ATG16L2: variants seen among roughly 807,000 people sequenced by gnomAD.
The protein encoded by ATG16L2 is autophagy related 16 like 2.
A neutral mutation model predicts 84.7 loss-of-function variants in ATG16L2; 77 were observed. That is an observed-to-expected ratio of 0.91 (90% confidence interval 0.76 to 1.10). The LOEUF (loss-of-function observed/expected upper bound fraction) is 1.10, where lower values mean the gene tolerates loss of function less well. Among genes scored for constraint, ATG16L2 ranks in the 50% least tolerant of loss-of-function variants. The probability of loss-of-function intolerance (pLI) is 0.00; values close to 1 mark genes in which losing one functional copy is unlikely to be tolerated. For synonymous variants in ATG16L2, 361 were observed against 342.8 expected (o/e 1.05, Z -0.59); for missense variants, 782 against 817.6 (o/e 0.96, Z 0.53).
chr11:72,814,693 A>G, intron 1 of ATG16L2, 130 bp downstream of exon 1: 2 of 657,444 alleles, frequency 3.0e-6, no homozygotes. Flanking sequence ...CCTGTGCGTT[A>G]CGCCCATCCC....
At chr11:72,829,029 C>T (rs775750821) in intron 17 of ATG16L2, 45 bp downstream of exon 17, 3 of 1,583,008 alleles carry the variant, frequency 1.9e-6, no homozygotes, top group South Asian at 1.1e-5. Flanking sequence ...CCCAGTCCTG[C>T]CAGGCTGATT....
chr11:72,829,738 C>G, downstream of ATG16L2: 1 of 692,108 alleles, frequency 1.4e-6, no homozygotes, highest in African/African-American at 1.9e-5. Context: ...CCATACAGAG[C>G]TGAGGCAGCC....
At chr11:72,843,203 G>C in exon 6 of ATG16L2, 1 of 1,614,022 alleles carries the variant, frequency 6.2e-7, no homozygotes, top group Non-Finnish European at 8.5e-7. Context: ...CCGTGGAATT[G>C]CTGGACGTGT....
chr11:72,830,608 T>A (rs896231225), downstream of ATG16L2, among the ~76,000 whole-genome samples: 12 of 152,176 alleles, frequency 7.9e-5, no homozygotes, highest in African/African-American at 2.4e-4. Flanking sequence ...GGGCTGGGAT[T>A]ACAGGTGCAC....
chr11:72,823,789 CTT>C (rs762812468), intron 7 of ATG16L2: 19 of 571,868 alleles, frequency 3.3e-5, no homozygotes, highest in African/African-American at 2.8e-4. Flanking sequence ...TTCCCAGGAA[CTT>C]TTGTTGGTGG....
chr11:72,820,799 G>T (rs1448977813), intron 3 of ATG16L2, among the ~76,000 whole-genome samples: 1 of 152,086 alleles, frequency 6.6e-6, no homozygotes, highest in Non-Finnish European at 1.5e-5. Context: ...GGTGGGAGCT[G>T]CCTTGCCTGG....
chr11:72,840,546 C>T (rs1462240494), intron 5 of ATG16L2, among the ~76,000 whole-genome samples: 1 of 152,146 alleles, frequency 6.6e-6, no homozygotes, highest in Non-Finnish European at 1.5e-5. Context: ...AAATAGAGGC[C>T]TGGAAAATTA....
At chr11:72,827,382 A>G (rs944926064) in intron 14 of ATG16L2, 89 bp downstream of exon 14, 1 of 1,139,734 alleles carries the variant, frequency 8.8e-7, no homozygotes, top group Non-Finnish European at 1.3e-6. Flanking sequence ...TGGCAGGAGG[A>G]GTCTTGGTGG....
intron 9 of ATG16L2, 62 bp from the exon 10 acceptor site, chr11:72,825,240 G>A (rs1860277731): frequency 1.5e-5 from 20 of 1,333,896 alleles, no homozygotes; most frequent in African/African-American, 2.9e-5. Flanking sequence ...AAGAGGGCCC[G>A]TGAGCACTCA....
chr11:72,827,375 CAGG>C (rs1050370744), intron 14 of ATG16L2, 82 bp downstream of exon 14: 85 of 1,201,352 alleles, frequency 7.1e-5, no homozygotes, highest in Non-Finnish European at 9.3e-5. Context: ...CTGGCCATGG[CAGG>C]AGGAGTCTTG....
chr11:72,823,977 C>G (rs1213541077), intron 7 of ATG16L2, 83 bp from the exon 8 acceptor site: 2 of 1,510,552 alleles, frequency 1.3e-6, no homozygotes, highest in Non-Finnish European at 1.8e-6. Context: ...CTCCAGGTCT[C>G]TGGCAAAGTG....
intron 10 of ATG16L2, 95 bp from the exon 11 acceptor site, chr11:72,826,078 T>A: frequency 1.0e-6 from 1 of 989,598 alleles, no homozygotes; most frequent in Non-Finnish European, 1.5e-6. Context: ...TGTCGGGGGG[T>A]GGGGCGGGAA....
rs920799706 is a variant in ATG16L2, at chr11:72,827,292, A to T, written c.1471A>T (p.Arg491Trp). 6 of 1,612,626 alleles carry T rather than the reference A, an allele frequency of 3.7e-6. No individual in the cohort carries two copies. The Middle Eastern group carries it at 4.9e-4, about 133-fold the overall frequency. ...CCAGAAGATCCGGTTCTGGGACAGC[A>T]GGTGACAGGCGCAGGCTGGGGGAGG... ...NDQKIRFWDS[R>W]GPHCTQVIPV... The change falls in exon 14 of 18, where the codon AGG (arginine) becomes TGG (tryptophan). Residue 491 changes from arginine (R) to tryptophan (W), a missense_variant and splice_region_variant. Transcript: ENST00000321297.
intron 7 of ATG16L2, 152 bp downstream of exon 7, chr11:72,823,113 C>A (rs1162703865): frequency 3.3e-6 from 2 of 597,422 alleles, no homozygotes; most frequent in East Asian, 5.8e-5. Context: ...GCTAGTCTGA[C>A]CTCCATTGTC....
rs2135099335 is a variant in ATG16L2 at position 72,822,715 on chromosome 11, C to T, written c.711-133C>T. On this transcript the variant is annotated intron_variant, in intron 6 of 17. Coordinates refer to ENST00000321297, the MANE Select transcript of ATG16L2 (RefSeq NM_033388.2). This position sits in a 1 kb window ranked among gnomAD's most constrained non-coding sequence, Gnocchi z 4.2. The stretch of plus-strand genomic sequence containing the variant: ...CCGTGTGGTCGTAGGAGCCTGCATG[C>T]GTGACCGCTGCACGTGTACACCCAC... 2.9e-6 allele frequency: 3 copies of T among 1,028,452 alleles called. No individual in the cohort carries two copies. Among genetic ancestry groups the T allele is most frequent in the South Asian group, 3.1e-5 (2 of 63,648 alleles). 63.7% of individuals were successfully genotyped at this position (1,028,452 alleles called of 1,614,324 possible). A position where few individuals can be genotyped will look rare whatever the true frequency, so the allele number is the denominator to read the frequency against.
chr11:72,840,237 C>G (rs1240599644), intron 5 of ATG16L2, among the ~76,000 whole-genome samples: 1 of 152,202 alleles, frequency 6.6e-6, no homozygotes, highest in African/African-American at 2.4e-5. Context: ...GATAAAGACT[C>G]AAGTCCTTAA....
chr11:72,832,086 G>A (rs1262342505), downstream of ATG16L2, among the ~76,000 whole-genome samples: 1 of 152,208 alleles, frequency 6.6e-6, no homozygotes, highest in Non-Finnish European at 1.5e-5. Context: ...CTTGAAGTGA[G>A]GGACATGCAG....
rs748017056 is a variant in ATG16L2 at position 72,842,763 on chromosome 11, C to T, written c.*168C>T. ...ATCTTGGTTTTCTTTGTTCAAGATA[C>T]GGATTATTGCTCCCTCAGGAAAAGA... is the stretch of plus-strand genomic sequence containing the variant. On this transcript the variant is annotated 3_prime_UTR_variant, in exon 6 of 6. Coordinates refer to the ATG16L2 transcript ENST00000534905. 36 of 1,613,906 alleles carry T rather than the reference C, an allele frequency of 2.2e-5. 1 individual carries two copies. The highest frequency in any genetic ancestry group is 4.4e-5 in the South Asian group (4 of 91,076).
chr11:72,817,764 C>T lies in ATG16L2; in HGVS notation c.227C>T (p.Ser76Leu). 6.2e-7 allele frequency: 1 copy of T among 1,613,722 alleles called. No homozygotes were observed. Among genetic ancestry groups the T allele is most frequent in the Non-Finnish European group, 8.5e-7 (1 of 1,180,002 alleles). The change falls in exon 3 of 18, where the codon TCA becomes TTA. Residue 76 changes from serine (S) to leucine (L), a missense_variant. Physicochemically the swap from Ser to Leu is moderately radical, Grantham distance 145. Transcript: ENST00000321297. ...PTTHQGPWEESELDSDQVPSL... is the reference protein window; with the variant it reads ...PTTHQGPWEELELDSDQVPSL... Reference sequence around the variant, plus strand: ...CTCTGATTGGTTGGCAGGGAGGAGTCAGAGCTTGACTCAGACCAAGTCCCA... The same window carrying T: ...CTCTGATTGGTTGGCAGGGAGGAGTTAGAGCTTGACTCAGACCAAGTCCCA...
Sources: allele counts gnomAD v4.1 joint callset (sites outside exome capture counted in the v4.1 genomes callset), GRCh38; gene constraint gnomAD v4.1.1; non-coding constraint Gnocchi (gnomAD v3.1); transcripts MANE v1.5; gene names NCBI Gene and HGNC (gene_info 2026-07-23, HGNC 2026-07-21).